Variants in CCSER1 observed in about 807,000 individuals in gnomAD.
The protein encoded by CCSER1 is serine-rich coiled-coil domain-containing protein 1.
Under a neutral mutation model 82.0 loss-of-function variants are expected in CCSER1, and 41 were observed. That is an observed-to-expected ratio of 0.50 (90% CI 0.39 to 0.65). The LOEUF is 0.65. Among genes scored for constraint, CCSER1 ranks in the 30% least tolerant of loss-of-function variants. The pLI is 0.00. For missense variants in CCSER1, 1,119 were observed against 1,064.2 expected, an observed-to-expected ratio of 1.05 and a Z score of -0.72; for synonymous variants, 414 against 383.9, an observed-to-expected ratio of 1.08 and a Z score of -0.92.
chr4:90,312,415 T>C (rs1379105780), intron 2 of CCSER1, among the ~76,000 whole-genome samples: 4 of 152,178 alleles, frequency 2.6e-5, no homozygotes, highest in Admixed American at 6.5e-5. Context: ...GTGGTGGTGA[T>C]GGCCCTCACT....
At chr4:90,177,746 G>A (rs984110414) in intron 1 of CCSER1, among the ~76,000 whole-genome samples, 12 of 151,996 alleles carry the variant, frequency 7.9e-5, no homozygotes, top group Admixed American at 3.3e-4. Context: ...TGCGTTTTCC[G>A]TGTATACAAA....
At chr4:90,766,102 G>A (rs1395851973) in intron 7 of CCSER1, among the ~76,000 whole-genome samples, 1 of 152,100 alleles carries the variant, frequency 6.6e-6, no homozygotes, top group Non-Finnish European at 1.5e-5. Flanking sequence ...AAGTAACCTA[G>A]AGAGGAAATT....
At chr4:91,226,156 A>G (rs1738187902) in intron 10 of CCSER1, among the ~76,000 whole-genome samples, 1 of 151,922 alleles carries the variant, frequency 6.6e-6, no homozygotes. Context: ...TTAAATTCCT[A>G]AAATTAATGA....
intron 4 of CCSER1, among the ~76,000 whole-genome samples, chr4:90,434,559 T>G (rs1758755081): frequency 6.6e-6 from 1 of 152,138 alleles, no homozygotes; most frequent in Admixed American, 6.5e-5. Flanking sequence ...AGCAGTTTGT[T>G]GAGCTGAGAA....
Position 90,596,368 on chromosome 4 carries a change from T to C in CCSER1, c.1725-31657T>C, listed in dbSNP as rs1354012851. On this transcript the variant is annotated intron_variant, in intron 5 of 10. Transcript: ENST00000509176. ...GTCTGTTCATATCTGATTTTCATTATGGTGAAGTAAAAATAAAGGATATAG... is the reference window on the plus strand; with the variant it reads ...GTCTGTTCATATCTGATTTTCATTACGGTGAAGTAAAAATAAAGGATATAG... Among the ~76,000 whole-genome samples the C allele has an allele frequency of 6.6e-5, 10 of 151,918 alleles. 1 individual carries two copies. Among genetic ancestry groups the C allele is most frequent in the African/African-American group, 2.2e-4 (9 of 41,434 alleles).
chr4:90,276,787 C>T (rs1727903108), intron 1 of CCSER1, among the ~76,000 whole-genome samples: 1 of 152,110 alleles, frequency 6.6e-6, no homozygotes, highest in African/African-American at 2.4e-5. Flanking sequence ...TTGTCATTCT[C>T]CTTGTGGAGA....
intron 8 of CCSER1, among the ~76,000 whole-genome samples, chr4:90,837,426 G>C (rs1171640879): frequency 1.3e-5 from 2 of 151,984 alleles, no homozygotes; most frequent in Non-Finnish European, 2.9e-5. Context: ...TGGAAATCTT[G>C]GCTTTCTGTC....
At chr4:91,267,835 A>G (rs1332264462) in intron 10 of CCSER1, among the ~76,000 whole-genome samples, 3 of 152,212 alleles carry the variant, frequency 2.0e-5, no homozygotes, top group African/African-American at 7.2e-5. Flanking sequence ...TGTGATTACT[A>G]TTGTAAGTTA....
intron 8 of CCSER1, among the ~76,000 whole-genome samples, chr4:90,822,912 T>C (rs990466260): frequency 2.6e-5 from 4 of 152,138 alleles, no homozygotes; most frequent in Non-Finnish European, 4.4e-5. Context: ...TTATGTTTTC[T>C]TTCATAATCT....
chr4:90,562,207 A>G (rs1778851213), intron 5 of CCSER1, among the ~76,000 whole-genome samples: 2 of 151,806 alleles, frequency 1.3e-5, no homozygotes, highest in South Asian at 4.1e-4. Context: ...AAAAAAAAAA[A>G]AAAGATAAAT....
intron 3 of CCSER1, among the ~76,000 whole-genome samples, chr4:90,367,925 A>T (rs768143451): frequency 2.0e-5 from 3 of 151,970 alleles, no homozygotes; most frequent in Non-Finnish European, 4.4e-5. Flanking sequence ...AATTACTGAA[A>T]AAAAGAAAAA....
At chr4:90,470,658 C>T (rs1764233811) in intron 5 of CCSER1, among the ~76,000 whole-genome samples, 1 of 150,718 alleles carries the variant, frequency 6.6e-6, no homozygotes, top group Non-Finnish European at 1.5e-5. Flanking sequence ...CTGGGAGGTT[C>T]CTCTAGTGGT....
At chr4:91,529,497 T>A (rs1271332508) in intron 10 of CCSER1, among the ~76,000 whole-genome samples, 1 of 152,150 alleles carries the variant, frequency 6.6e-6, no homozygotes, top group Admixed American at 6.5e-5. Context: ...TTATGACTTA[T>A]CAAATTTTCC....
chr4:91,555,833 A>G (rs2110237471), intron 10 of CCSER1, among the ~76,000 whole-genome samples: 1 of 151,362 alleles, frequency 6.6e-6, no homozygotes, highest in Middle Eastern at 3.4e-3. Flanking sequence ...TTCATCAGAA[A>G]GGTCAATGTG....
At chr4:91,122,501 C>T (rs573370059) in intron 10 of CCSER1, among the ~76,000 whole-genome samples, 1 of 151,642 alleles carries the variant, frequency 6.6e-6, no homozygotes, top group African/African-American at 2.4e-5. Context: ...AACATGTTTT[C>T]CCTTCAACAT....
At chr4:90,761,284 A>G (rs1316525779) in intron 7 of CCSER1, among the ~76,000 whole-genome samples, 1 of 152,142 alleles carries the variant, frequency 6.6e-6, no homozygotes, top group Non-Finnish European at 1.5e-5. Flanking sequence ...TAAAAACACA[A>G]TGAGACCAAC....
chr4:91,478,794 C>T (rs1757730679), intron 10 of CCSER1, among the ~76,000 whole-genome samples: 1 of 151,738 alleles, frequency 6.6e-6, no homozygotes, highest in Non-Finnish European at 1.5e-5. Context: ...CCTACTTATT[C>T]AGTCAAATAA....
At chr4:91,139,367 T>C (rs558672265) in intron 10 of CCSER1, among the ~76,000 whole-genome samples, 2 of 152,280 alleles carry the variant, frequency 1.3e-5, no homozygotes, top group South Asian at 2.1e-4. Context: ...GTGCTGAGCA[T>C]TGTGCTACAT....
chr4:90,194,978 A>G (rs1736327552), intron 1 of CCSER1, among the ~76,000 whole-genome samples: 1 of 152,102 alleles, frequency 6.6e-6, no homozygotes, highest in Non-Finnish European at 1.5e-5. Flanking sequence ...AAGGTTGAAA[A>G]TGAAGGAATT....
Sources: allele counts gnomAD v4.1 joint callset (sites outside exome capture counted in the v4.1 genomes callset), GRCh38; gene constraint gnomAD v4.1.1; transcripts MANE v1.5; gene names NCBI Gene and HGNC (gene_info 2026-07-23, HGNC 2026-07-21).